Variants in CCSER2 observed in about 807,000 individuals in gnomAD.
CCSER2 encodes coiled-coil serine rich protein 2, also known as serine-rich coiled-coil domain-containing protein 2.
A neutral mutation model predicts 92.3 loss-of-function variants in CCSER2; 46 were observed. The ratio of observed to expected loss-of-function variants is 0.50; its 90% CI spans 0.39 to 0.64. The LOEUF is 0.64. Among genes scored for constraint, CCSER2 ranks in the 30% least tolerant of loss-of-function variants. CCSER2 has a pLI of 0.00. For synonymous variants in CCSER2, 433 were observed against 431.4 expected (o/e 1.00, Z -0.04); for missense variants, 1,244 against 1,238.9 (o/e 1.00, Z -0.06).
chr10:84,363,884 A>G (rs1426796357), intron 1 of CCSER2, among the ~76,000 whole-genome samples: 2 of 152,208 alleles, frequency 1.3e-5, no homozygotes, highest in Admixed American at 6.5e-5. Flanking sequence ...AACATCATAG[A>G]GTATACTTAC....
At chr10:84,412,294 G>T (rs987166362) in intron 3 of CCSER2, among the ~76,000 whole-genome samples, 5 of 152,030 alleles carry the variant, frequency 3.3e-5, no homozygotes, top group Admixed American at 6.5e-5. Context: ...TCAGGATGAT[G>T]GTGACCTCAT....
In CCSER2 at chr10:84,364,784, C is replaced by A. The variant is rs575224381; in HGVS notation, c.-39-6230C>A. Among the ~76,000 whole-genome samples, 3 of 144,352 alleles carry A rather than the reference C, an allele frequency of 2.1e-5. No individual in the cohort carries two copies. In the East Asian group the frequency reaches 6.2e-4, roughly 30 times the overall value. The allele number at this position is 144,352 out of a possible 152,430, so 94.7% of individuals were successfully genotyped here. ...TGAGATGGAGTCTGGCTCTTTTGTC[C>A]AGGCTGTAGTGCAGTGGTATGATCT... On this transcript the variant is annotated intron_variant, in intron 1 of 9. Coordinates refer to ENST00000372088, the MANE Select transcript of CCSER2 (RefSeq NM_001284240.2).
At chr10:84,329,448 A>G (rs1338666142) in intron 1 of CCSER2, among the ~76,000 whole-genome samples, 2 of 152,226 alleles carry the variant, frequency 1.3e-5, no homozygotes, top group African/African-American at 2.4e-5. Flanking sequence ...TCCCCGACCA[A>G]TGAGGCTGGC....
chr10:84,499,764 T>C (rs2131835340), intron 9 of CCSER2: 1 of 955,338 alleles, frequency 1.0e-6, no homozygotes, highest in Middle Eastern at 2.2e-4. Context: ...TGTCTTCTCG[T>C]TAACACTATT....
chr10:84,386,676 C>T (rs771121124), intron 3 of CCSER2, among the ~76,000 whole-genome samples: 4 of 152,144 alleles, frequency 2.6e-5, no homozygotes, highest in East Asian at 3.9e-4. Flanking sequence ...GGCTGCGGTG[C>T]GCTGAGATTA....
intron 1 of CCSER2, among the ~76,000 whole-genome samples, chr10:84,332,868 T>C (rs1843656850): frequency 6.6e-6 from 1 of 152,136 alleles, no homozygotes. Context: ...ATGAATGCCA[T>C]GTACCTGTTT....
intron 4 of CCSER2, among the ~76,000 whole-genome samples, chr10:84,419,544 G>GA (rs1013207482): frequency 2.6e-5 from 4 of 152,104 alleles, no homozygotes; most frequent in Admixed American, 2.0e-4. Context: ...CATGATAGAG[G>GA]ACATTGCATG....
At chr10:84,432,858 T>C (rs1321622455) in intron 5 of CCSER2, among the ~76,000 whole-genome samples, 2 of 152,248 alleles carry the variant, frequency 1.3e-5, no homozygotes, top group African/African-American at 4.8e-5. Flanking sequence ...TTTCGCATTT[T>C]GCATTTAGGC....
At chr10:84,389,251 C>G (rs1006172078) in intron 3 of CCSER2, 1 of 490,650 alleles carries the variant, frequency 2.0e-6, no homozygotes, top group Non-Finnish European at 4.0e-6. Context: ...AGCCCACAGA[C>G]TAGGCAGTCC....
At chr10:84,486,386 C>T (rs1458972310) in intron 9 of CCSER2, among the ~76,000 whole-genome samples, 4 of 152,178 alleles carry the variant, frequency 2.6e-5, no homozygotes, top group Non-Finnish European at 5.9e-5. Context: ...CCTATTTCTC[C>T]ACATCCTCTC....
chr10:84,441,755 T>G (rs1386658063), intron 6 of CCSER2, among the ~76,000 whole-genome samples: 3 of 80,248 alleles, frequency 3.7e-5, no homozygotes, highest in African/African-American at 1.2e-4. Context: ...TTTTTTTTTT[T>G]TTTTTTTTTT....
intron 1 of CCSER2, among the ~76,000 whole-genome samples, chr10:84,347,279 A>G (rs1191170940): frequency 6.6e-6 from 1 of 152,128 alleles, no homozygotes; most frequent in South Asian, 2.1e-4. Context: ...CCTGTTCTCA[A>G]TGAGCTGTTG....
At position 84,342,070 on chromosome 10, in the gene CCSER2, C is replaced by G. The variant is rs78730458; in HGVS notation, c.-40+13262C>G. On this transcript the variant is annotated intron_variant, in intron 1 of 9. Coordinates refer to ENST00000372088, the MANE Select transcript of CCSER2 (RefSeq NM_001284240.2). ...CTCAGCCTTCAGTCCCCTTCCCCCC[C>G]CTGGAGGTTGGGGGATGGGGCTGAA... 3.2e-3 allele frequency among the ~76,000 whole-genome samples: 483 copies of G among 152,184 alleles called. 1 individual carries two copies. The highest frequency in any genetic ancestry group is 0.011 in the African/African-American group (450 of 41,488).
At chr10:84,465,386 G>T (rs748616207) in intron 7 of CCSER2, among the ~76,000 whole-genome samples, 1 of 136,032 alleles carries the variant, frequency 7.4e-6, no homozygotes, top group Admixed American at 8.3e-5. Context: ...ATGTAGTGGC[G>T]CAATCTCGGC....
intron 4 of CCSER2, among the ~76,000 whole-genome samples, chr10:84,422,050 C>G (rs1038201249): frequency 2.0e-5 from 3 of 152,132 alleles, no homozygotes; most frequent in Non-Finnish European, 2.9e-5. Context: ...AGTGACCTTT[C>G]TAGGTTTTAG....
intron 1 of CCSER2, among the ~76,000 whole-genome samples, chr10:84,357,709 C>T (rs373770578): frequency 9.2e-5 from 14 of 152,282 alleles, no homozygotes; most frequent in African/African-American, 3.4e-4. Flanking sequence ...CTCAGACTCC[C>T]AAAGTGTTGG....
chr10:84,428,983 G>GTGTA (rs1156918191), intron 5 of CCSER2, among the ~76,000 whole-genome samples: 1 of 41,674 alleles, frequency 2.4e-5, no homozygotes, highest in African/African-American at 7.1e-5. Flanking sequence ...GTGTGTGTAT[G>GTGTA]TGTATATATA....
intron 1 of CCSER2, among the ~76,000 whole-genome samples, chr10:84,337,540 T>C (rs949683661): frequency 2.6e-5 from 4 of 152,242 alleles, no homozygotes; most frequent in Non-Finnish European, 4.4e-5. Context: ...AATTGTAGAC[T>C]GCTGGGATAG....
At chr10:84,389,197 T>A (rs1272841769) in intron 3 of CCSER2, 2 of 376,456 alleles carry the variant, frequency 5.3e-6, no homozygotes, top group Non-Finnish European at 1.0e-5. Flanking sequence ...CACCACTGTT[T>A]ATGTCATCTA....
Sources: gnomAD v4.1 joint callset for allele counts (sites outside exome capture counted in the v4.1 genomes callset) on GRCh38, gnomAD v4.1.1 for gene constraint, MANE v1.5 for transcripts, NCBI Gene and HGNC (gene_info 2026-07-23, HGNC 2026-07-21) for gene names.